SLC17A8: variants seen among roughly 807,000 people sequenced by gnomAD.
SLC17A8 encodes the protein solute carrier family 17 member 8.
SLC17A8 carries 31 observed loss-of-function variants against 58.0 expected under a neutral mutation model. That is an observed-to-expected ratio of 0.53 (90% CI 0.40 to 0.72). The LOEUF (loss-of-function observed/expected upper bound fraction) is 0.72. SLC17A8 is among the 30% of genes least tolerant of loss of function. SLC17A8 has a pLI of 0.00. For missense variants in SLC17A8, 655 were observed against 727.8 expected, an observed-to-expected ratio of 0.90 and a Z score of 1.15; for synonymous variants, 228 against 249.0, an observed-to-expected ratio of 0.92 and a Z score of 0.79.
At chr12:100,396,509 G>C in intron 5 of SLC17A8, 92 bp downstream of exon 5, 1 of 966,342 alleles carries the variant, frequency 1.0e-6, no homozygotes, top group African/African-American at 1.6e-5. Context: ...GCACTTTAGG[G>C]AGGCCGAGGC....
At chr12:100,357,669 C>A (rs894248659) in intron 1 of SLC17A8, among the ~76,000 whole-genome samples, 177 bp downstream of exon 1, 1 of 152,016 alleles carries the variant, frequency 6.6e-6, no homozygotes, top group East Asian at 1.9e-4. Context: ...AAAACAGATG[C>A]ATGAATAGTA....
chr12:100,375,895 G>A (rs4764737), intron 1 of SLC17A8, among the ~76,000 whole-genome samples: 102,271 of 152,150 alleles, frequency 0.67, 36,833 homozygotes, highest in East Asian at 0.99. Flanking sequence ...TCTTCATATG[G>A]ATCTGCCCAA....
rs752771712 is a variant in SLC17A8, at chr12:100,402,636, C to T, written c.944C>T (p.Pro315Leu). 32 of 1,613,936 alleles carry T rather than the reference C, an allele frequency of 2.0e-5. No individual in the cohort carries two copies. The highest frequency in any genetic ancestry group is 1.6e-4 in the Middle Eastern group (1 of 6,062). The change falls in exon 8 of 12, where the codon CCG (proline) becomes CTG (leucine). Residue 315 changes from proline to leucine, a missense_variant. Physicochemically the swap from Pro to Leu is moderately conservative, Grantham distance 98. Transcript: ENST00000323346. Reference protein sequence around the residue: ...TPWKRFFTSLPVYAIIVANFC... With the variant: ...TPWKRFFTSLLVYAIIVANFC... ...TGGAAAAGATTTTTCACATCTTTGC[C>T]GGTTTATGCAATCATTGTGGCAAAT...
At position 100,421,174 on chromosome 12, in the gene SLC17A8, A is replaced by T. The variant is rs1010409659; in HGVS notation, c.*1015A>T. The T allele has an allele frequency of 5.9e-5, 9 of 152,204 alleles. No individual in the cohort carries two copies. The highest frequency in any genetic ancestry group is 2.2e-4 in the African/African-American group (9 of 41,474). 9.4% of individuals were successfully genotyped at this position (152,204 alleles called of 1,614,324 possible). On this transcript the variant is annotated 3_prime_UTR_variant, in exon 12 of 12. Coordinates refer to ENST00000323346, the MANE Select transcript of SLC17A8 (RefSeq NM_139319.3). ...GTCCCAAACTACTTACAAACTTTTA[A>T]GACATTTAATAATTTAAGAAGTAGG...
At chr12:100,369,361 A>C (rs1370426760) in intron 1 of SLC17A8, among the ~76,000 whole-genome samples, 1 of 152,206 alleles carries the variant, frequency 6.6e-6, no homozygotes, top group African/African-American at 2.4e-5. Context: ...TGTATTCTCC[A>C]GGAAAAAGCA....
At chr12:100,374,833 G>A (rs1268278443) in intron 1 of SLC17A8, among the ~76,000 whole-genome samples, 1 of 152,036 alleles carries the variant, frequency 6.6e-6, no homozygotes, top group Non-Finnish European at 1.5e-5. Context: ...GCAAAGAAAA[G>A]TGAGATCCTG....
intron 4 of SLC17A8, among the ~76,000 whole-genome samples, chr12:100,394,086 C>T (rs61941785): frequency 0.14 from 22,039 of 152,138 alleles, 1,649 homozygotes; most frequent in South Asian, 0.18. Flanking sequence ...TTAAATATTA[C>T]TCTTCTTTTG....
intron 5 of SLC17A8, among the ~76,000 whole-genome samples, chr12:100,397,517 C>G (rs1436979895): frequency 6.6e-6 from 1 of 152,150 alleles, no homozygotes; most frequent in Non-Finnish European, 1.5e-5. Flanking sequence ...TCCAAGCTAC[C>G]CCTGTGGGAC....
intron 1 of SLC17A8, among the ~76,000 whole-genome samples, chr12:100,376,461 G>A (rs1378988151): frequency 1.3e-5 from 2 of 152,158 alleles, no homozygotes; most frequent in African/African-American, 4.8e-5. Context: ...CTGGTGTGCT[G>A]GGAACACACA....
intron 2 of SLC17A8, among the ~76,000 whole-genome samples, chr12:100,388,923 A>G (rs1426919126): frequency 6.6e-6 from 1 of 152,150 alleles, no homozygotes; most frequent in Non-Finnish European, 1.5e-5. Flanking sequence ...GCTATCTTAG[A>G]GTTTCTTGGT....
chr12:100,358,318 A>G (rs1339190152), intron 1 of SLC17A8, among the ~76,000 whole-genome samples: 1 of 152,102 alleles, frequency 6.6e-6, no homozygotes, highest in East Asian at 1.9e-4. Flanking sequence ...TACACTTTTT[A>G]TTTGTTTGGA....
chr12:100,376,316 A>G (rs1952594321), intron 1 of SLC17A8, among the ~76,000 whole-genome samples: 1 of 152,244 alleles, frequency 6.6e-6, no homozygotes, highest in African/African-American at 2.4e-5. Context: ...AGGGAGAGAT[A>G]GCACTGGGCA....
Position 100,402,624 on chromosome 12 carries a change from T to C in SLC17A8, c.932T>C (p.Phe311Ser). The C allele has an allele frequency of 6.2e-7, 1 of 1,614,084 alleles. No homozygotes were observed. ...SKFSTPWKRF[F>S]TSLPVYAIIV... ...TTTAGTACCCCATGGAAAAGATTTT[T>C]CACATCTTTGCCGGTTTATGCAATC... Residue 311 changes from phenylalanine to serine, a missense_variant, in exon 8 of 12, where the codon TTC becomes TCC. Coordinates refer to ENST00000323346, the MANE Select transcript of SLC17A8 (RefSeq NM_139319.3).
chr12:100,404,137 A>AG lies in SLC17A8; in HGVS notation c.1153_1154insG (p.Thr385SerfsTer43). The AG allele has an allele frequency of 6.2e-7, 1 of 1,614,214 alleles. No individual in the cohort carries two copies. The highest frequency in any genetic ancestry group is 8.5e-7 in the Non-Finnish European group (1 of 1,180,028). ...TTTAAGAAGCAGACAAATTTTAACC[A>AG]CAACTGCTGTCAGAAAAATCATGAA... On this transcript the variant is annotated frameshift_variant, in exon 9 of 12. Coordinates refer to ENST00000323346, the MANE Select transcript of SLC17A8 (RefSeq NM_139319.3). LOFTEE classifies it high-confidence loss of function.
At chr12:100,367,846 C>A (rs925312738) in intron 1 of SLC17A8, among the ~76,000 whole-genome samples, 3 of 152,168 alleles carry the variant, frequency 2.0e-5, no homozygotes, top group Non-Finnish European at 2.9e-5. Flanking sequence ...AACCCCTGTG[C>A]CCAGCTTTCA....
intron 5 of SLC17A8, 120 bp from the exon 6 acceptor site, chr12:100,401,657 G>A: frequency 1.1e-5 from 9 of 854,976 alleles, no homozygotes; most frequent in Non-Finnish European, 1.4e-5. Context: ...GTCTCTGCAC[G>A]GAGGCAGTCT....
intron 1 of SLC17A8, among the ~76,000 whole-genome samples, chr12:100,357,861 T>A (rs1161143916): frequency 2.0e-5 from 3 of 152,192 alleles, no homozygotes; most frequent in African/African-American, 7.2e-5. Flanking sequence ...AAATAATTTT[T>A]ATGTTTTTCA....
At chr12:100,368,658 G>A (rs78342038) in intron 1 of SLC17A8, among the ~76,000 whole-genome samples, 3,113 of 152,128 alleles carry the variant, frequency 0.02, 30 homozygotes, top group Non-Finnish European at 0.027. Flanking sequence ...CAGATTCTAC[G>A]ACTCCTGCTC....
At chr12:100,413,261 A>G (rs1279371112) in intron 10 of SLC17A8, among the ~76,000 whole-genome samples, 1 of 152,180 alleles carries the variant, frequency 6.6e-6, no homozygotes, top group African/African-American at 2.4e-5. Flanking sequence ...TTGCTAGAGA[A>G]CTGCGAGTGT....
Sources: allele counts gnomAD v4.1 joint callset (sites outside exome capture counted in the v4.1 genomes callset), GRCh38; gene constraint gnomAD v4.1.1; transcripts MANE v1.5; gene names NCBI Gene and HGNC (gene_info 2026-07-23, HGNC 2026-07-21).